The following RNF180 variants were observed in gnomAD, a reference collection of about 807,000 sequenced individuals.
RNF180 encodes E3 ubiquitin-protein ligase RNF180.
Under a neutral mutation model 59.2 loss-of-function variants are expected in RNF180, and 38 were observed. The observed-to-expected ratio is 0.64, with a 90% CI of 0.50 to 0.84. The LOEUF is 0.84. RNF180 is among the 40% of genes least tolerant of loss of function. The pLI, the probability that RNF180 is intolerant of heterozygous loss-of-function variation, is 0.00. For synonymous variants in RNF180, 262 were observed against 240.3 expected (o/e 1.09, Z -0.84); for missense variants, 705 against 700.9 (o/e 1.01, Z -0.07).
At chr5:64,332,937 A>G (rs543149756) in intron 7 of RNF180, among the ~76,000 whole-genome samples, 22 of 152,302 alleles carry the variant, frequency 1.4e-4, no homozygotes, top group African/African-American at 5.3e-4. Flanking sequence ...GTACAGTACT[A>G]CCTACACCAA....
intron 5 of RNF180, among the ~76,000 whole-genome samples, chr5:64,243,820 A>G (rs1170906515): frequency 6.6e-6 from 1 of 152,206 alleles, no homozygotes; most frequent in East Asian, 1.9e-4. Context: ...CAGGGTGGAC[A>G]GACACCTCAT....
intron 5 of RNF180, among the ~76,000 whole-genome samples, chr5:64,293,120 A>T (rs1561243506): frequency 6.6e-6 from 1 of 152,166 alleles, no homozygotes. Context: ...TTGTGAGGGG[A>T]GCTCCTGATC....
At chr5:64,289,589 G>A (rs754776691) in intron 5 of RNF180, among the ~76,000 whole-genome samples, 1 of 152,002 alleles carries the variant, frequency 6.6e-6, no homozygotes, top group Non-Finnish European at 1.5e-5. Context: ...GTCTATTCAG[G>A]GATTCAGTTT....
At chr5:64,247,685 C>G (rs1305618540) in intron 5 of RNF180, among the ~76,000 whole-genome samples, 1 of 152,128 alleles carries the variant, frequency 6.6e-6, no homozygotes, top group Non-Finnish European at 1.5e-5. Flanking sequence ...CCATAGTGCA[C>G]AAAGTAATTT....
At position 64,211,994 on chromosome 5, in the gene RNF180, A is replaced by G. The variant is rs59215696; in HGVS notation, c.136-71A>G. ...AATAGAATTTGTATTTTTGAGTTTT[A>G]CTTAAATATGAAACCTGTGAAATAA... On this transcript the variant is annotated intron_variant, in intron 2 of 7. Transcript: ENST00000389100. 8,756 of 871,998 alleles carry G rather than the reference A, an allele frequency of 0.01. 459 individuals are homozygous for G. The African/African-American group carries it at 0.13, about 13-fold the overall frequency. The allele number at this position is 871,998 out of a possible 1,614,324, so 54.0% of individuals were successfully genotyped here.
intron 7 of RNF180, among the ~76,000 whole-genome samples, chr5:64,353,378 C>A (rs948044795): frequency 1.3e-5 from 2 of 151,652 alleles, no homozygotes; most frequent in African/African-American, 4.8e-5. Flanking sequence ...ATTGTATTTA[C>A]CTCAATCTTG....
At chr5:64,357,677 A>C (rs1746083179) in intron 7 of RNF180, among the ~76,000 whole-genome samples, 1 of 151,786 alleles carries the variant, frequency 6.6e-6, no homozygotes, top group Non-Finnish European at 1.5e-5. Context: ...ACAACCTACC[A>C]AAATTACAAA....
At chr5:64,345,659 A>G (rs972027938) in intron 7 of RNF180, among the ~76,000 whole-genome samples, 9 of 152,154 alleles carry the variant, frequency 5.9e-5, no homozygotes, top group Non-Finnish European at 1.2e-4. Flanking sequence ...GCCACTTCCA[A>G]TCAACCACAC....
intron 5 of RNF180, among the ~76,000 whole-genome samples, chr5:64,301,179 T>A (rs1330953728): frequency 1.3e-5 from 2 of 151,804 alleles, no homozygotes; most frequent in East Asian, 3.9e-4. Context: ...TAGCCCTTCC[T>A]ACTGAACAAC....
intron 7 of RNF180, among the ~76,000 whole-genome samples, chr5:64,342,943 A>G (rs765133094): frequency 3.9e-5 from 6 of 152,146 alleles, no homozygotes; most frequent in Non-Finnish European, 7.4e-5. Flanking sequence ...ATGAAAGTAC[A>G]ACCTAACTTC....
intron 5 of RNF180, among the ~76,000 whole-genome samples, chr5:64,274,162 C>T (rs917922640): frequency 4.6e-5 from 7 of 151,938 alleles, no homozygotes; most frequent in South Asian, 2.1e-4. Flanking sequence ...AGAATCTTAA[C>T]GGTTAATCAT....
At chr5:64,246,423 G>A (rs1490448785) in intron 5 of RNF180, among the ~76,000 whole-genome samples, 3 of 152,142 alleles carry the variant, frequency 2.0e-5, no homozygotes, top group African/African-American at 7.2e-5. Context: ...AAATGATAAA[G>A]GGGATATCAC....
chr5:64,207,661 G>A (rs1004815633), intron 2 of RNF180, among the ~76,000 whole-genome samples: 3 of 152,156 alleles, frequency 2.0e-5, no homozygotes, highest in Middle Eastern at 3.4e-3. Flanking sequence ...AATTGAGGCA[G>A]GGAGCCTGTT....
chr5:64,359,041 A>G (rs1419242936), intron 7 of RNF180, among the ~76,000 whole-genome samples: 1 of 150,500 alleles, frequency 6.6e-6, no homozygotes, highest in Non-Finnish European at 1.5e-5. Context: ...TCATTGTTGG[A>G]CATTTGGGTT....
intron 5 of RNF180, among the ~76,000 whole-genome samples, chr5:64,258,856 A>C (rs557570042): frequency 2.6e-5 from 4 of 152,218 alleles, no homozygotes; most frequent in Non-Finnish European, 5.9e-5. Flanking sequence ...AGCTTGTGGA[A>C]CACCATCATT....
At chr5:64,322,602 CGTGTGT>C (rs76117470) in intron 5 of RNF180, among the ~76,000 whole-genome samples, 3,266 of 143,462 alleles carry the variant, frequency 0.023, 116 homozygotes, top group African/African-American at 0.073. Context: ...TATATATATA[CGTGTGT>C]GTGTGTGTGT....
At chr5:64,313,007 A>G (rs1743851449) in intron 5 of RNF180, among the ~76,000 whole-genome samples, 1 of 152,166 alleles carries the variant, frequency 6.6e-6, no homozygotes, top group African/African-American at 2.4e-5. Flanking sequence ...GCTTGAGATC[A>G]GAAGTTTTTC....
intron 1 of RNF180, among the ~76,000 whole-genome samples, chr5:64,184,982 C>A (rs1488818354): frequency 4.6e-5 from 7 of 152,170 alleles, no homozygotes; most frequent in African/African-American, 1.7e-4. Context: ...AGATCTCATA[C>A]CTAAATATAT....
At chr5:64,248,420 A>C (rs779466481) in intron 5 of RNF180, among the ~76,000 whole-genome samples, 14 of 152,244 alleles carry the variant, frequency 9.2e-5, no homozygotes, top group Non-Finnish European at 1.8e-4. Flanking sequence ...AGAAAAAAAC[A>C]ACCTCATCAA....
Sources: gnomAD v4.1 joint callset for allele counts (sites outside exome capture counted in the v4.1 genomes callset) on GRCh38, gnomAD v4.1.1 for gene constraint, MANE v1.5 for transcripts, NCBI Gene and HGNC (gene_info 2026-07-23, HGNC 2026-07-21) for gene names.